The following MAPKAP1 variants were observed in gnomAD, a reference collection of about 807,000 sequenced individuals.
The protein encoded by MAPKAP1 is MAPK associated protein 1.
In MAPKAP1, 20 loss-of-function variants were observed where a neutral mutation model predicts 65.7. That is an observed-to-expected ratio of 0.30 (90% CI 0.21 to 0.44). MAPKAP1 has a LOEUF of 0.44. Ranked by LOEUF, MAPKAP1 falls within the 20% of genes least tolerant of loss-of-function variation. The pLI is 1.00. For synonymous variants in MAPKAP1, 222 were observed against 244.3 expected, an observed-to-expected ratio of 0.91 and a Z score of 0.85; for missense variants, 423 against 648.0, an observed-to-expected ratio of 0.65 and a Z score of 3.77.
chr9:125,613,301 C>T (rs1173020480), intron 4 of MAPKAP1, among the ~76,000 whole-genome samples: 1 of 152,170 alleles, frequency 6.6e-6, no homozygotes, highest in Non-Finnish European at 1.5e-5. Flanking sequence ...AGGAATAAAG[C>T]GCATATTTCC....
chr9:125,604,072 T>A (rs982745933), intron 4 of MAPKAP1, among the ~76,000 whole-genome samples: 36 of 152,236 alleles, frequency 2.4e-4, no homozygotes, highest in African/African-American at 8.7e-4. Flanking sequence ...AAGGCTCTGA[T>A]AGATGCAAAA....
intron 9 of MAPKAP1, among the ~76,000 whole-genome samples, chr9:125,474,045 T>A (rs1854019092): frequency 6.6e-6 from 1 of 152,208 alleles, no homozygotes; most frequent in African/African-American, 2.4e-5. Flanking sequence ...CTAATGATTA[T>A]TATCAGAAGT....
chr9:125,685,118 G>C (rs1393882847), intron 1 of MAPKAP1, among the ~76,000 whole-genome samples: 1 of 152,250 alleles, frequency 6.6e-6, no homozygotes, highest in African/African-American at 2.4e-5. Context: ...CTATGTGCCA[G>C]GCACTGTTCT....
Position 125,707,175 on chromosome 9 carries a change from A to C in MAPKAP1, c.-274T>G, listed in dbSNP as rs1835793076. ...GCTGCTCGCCGCCGCCGGCCGGCCGAGCAGCAGCCCTATTACCCCGAGCCG... is the reference window on the plus strand; with the variant it reads ...GCTGCTCGCCGCCGCCGGCCGGCCGCGCAGCAGCCCTATTACCCCGAGCCG... On this transcript the variant is annotated 5_prime_UTR_variant, in exon 1 of 12. Coordinates refer to ENST00000265960, the MANE Select transcript of MAPKAP1 (RefSeq NM_001006617.3). 2.5e-6 allele frequency: 1 copy of C among 397,460 alleles called. No individual in the cohort carries two copies. Among genetic ancestry groups the C allele is most frequent in the Non-Finnish European group, 4.4e-6 (1 of 225,480 alleles). The allele number at this position is 397,460 out of a possible 1,614,324, so 24.6% of individuals were successfully genotyped here.
chr9:125,566,990 A>C (rs868822804), intron 5 of MAPKAP1, among the ~76,000 whole-genome samples: 2 of 152,092 alleles, frequency 1.3e-5, no homozygotes, highest in African/African-American at 2.4e-5. Context: ...GCCCCAACAA[A>C]ACCTGCTGTT....
At chr9:125,472,979 C>T (rs1369278890) in intron 9 of MAPKAP1, among the ~76,000 whole-genome samples, 1 of 151,988 alleles carries the variant, frequency 6.6e-6, no homozygotes. Flanking sequence ...CCTTTCTCGA[C>T]TGTTAAAATG....
At chr9:125,651,811 G>A (rs926853368) in intron 4 of MAPKAP1, among the ~76,000 whole-genome samples, 2 of 152,106 alleles carry the variant, frequency 1.3e-5, no homozygotes, top group South Asian at 2.1e-4. Context: ...GGTTACCCCC[G>A]CACCCCCACC....
chr9:125,528,479 G>A (rs1829836676), intron 7 of MAPKAP1, among the ~76,000 whole-genome samples: 1 of 152,222 alleles, frequency 6.6e-6, no homozygotes, highest in African/African-American at 2.4e-5. Flanking sequence ...TTATGCCTGA[G>A]CCTGGGAGCC....
chr9:125,524,981 C>T lies in MAPKAP1; in HGVS notation c.958+18078G>A, dbSNP rs148150742. Among the ~76,000 whole-genome samples the T allele has an allele frequency of 1.7e-3, 260 of 152,332 alleles. 1 individual carries two copies. The highest frequency in any genetic ancestry group is 5.9e-3 in the African/African-American group (247 of 41,570). The stretch of plus-strand genomic sequence containing the variant: ...GCTCTGCTGCTCTGACAAGGGGCCT[C>T]GGACCCCTGGAAAAGCCCAAATGAG... On this transcript the variant is annotated intron_variant, in intron 7 of 11. Transcript: ENST00000265960.
chr9:125,463,043 G>C (rs1853555429), intron 10 of MAPKAP1, among the ~76,000 whole-genome samples: 2 of 152,238 alleles, frequency 1.3e-5, no homozygotes, highest in Non-Finnish European at 2.9e-5. Flanking sequence ...CTCGGTAGAA[G>C]TCTTGCAAAA....
At chr9:125,668,682 G>C (rs1313973306) in intron 3 of MAPKAP1, among the ~76,000 whole-genome samples, 1 of 152,146 alleles carries the variant, frequency 6.6e-6, no homozygotes, top group Admixed American at 6.5e-5. Flanking sequence ...CTGAAGCTTT[G>C]AAAGTATATA....
chr9:125,623,816 GC>G (rs1832993959), intron 4 of MAPKAP1, among the ~76,000 whole-genome samples: 1 of 49,048 alleles, frequency 2.0e-5, no homozygotes, highest in African/African-American at 5.0e-5. Context: ...GGGGGGGTCA[GC>G]CCCCCGCCCG....
chr9:125,610,120 T>A (rs575045819), intron 4 of MAPKAP1, among the ~76,000 whole-genome samples: 5 of 152,388 alleles, frequency 3.3e-5, no homozygotes, highest in African/African-American at 1.2e-4. Context: ...TGAAAAAACA[T>A]CTTCTTACAT....
intron 11 of MAPKAP1, among the ~76,000 whole-genome samples, chr9:125,440,392 C>G (rs1361238101): frequency 6.6e-6 from 1 of 152,234 alleles, no homozygotes; most frequent in Non-Finnish European, 1.5e-5. Context: ...CTCCTCTGCT[C>G]CTCTGGCTGG....
chr9:125,517,547 T>A (rs892564802), intron 7 of MAPKAP1, among the ~76,000 whole-genome samples: 1 of 152,212 alleles, frequency 6.6e-6, no homozygotes, highest in African/African-American at 2.4e-5. Context: ...AATATGTTAC[T>A]GCTATTACCA....
At chr9:125,474,901 G>A (rs1412797212) in intron 9 of MAPKAP1, among the ~76,000 whole-genome samples, 1 of 152,156 alleles carries the variant, frequency 6.6e-6, no homozygotes, top group Non-Finnish European at 1.5e-5. Context: ...AGGTTACCGA[G>A]AGCCTATGAA....
At chr9:125,618,533 C>A (rs1473997739) in intron 4 of MAPKAP1, among the ~76,000 whole-genome samples, 1 of 151,676 alleles carries the variant, frequency 6.6e-6, no homozygotes, top group Non-Finnish European at 1.5e-5. Context: ...TAGTAAAATG[C>A]AAGATTATTA....
chr9:125,539,881 CTT>C (rs1830190060), intron 7 of MAPKAP1, among the ~76,000 whole-genome samples: 1 of 152,000 alleles, frequency 6.6e-6, no homozygotes, highest in African/African-American at 2.4e-5. Flanking sequence ...TGAAGAGAAA[CTT>C]TAAAAGAGAC....
intron 7 of MAPKAP1, among the ~76,000 whole-genome samples, chr9:125,527,057 GTGTTTTTTTTGTT>G (rs1289237212): frequency 4.0e-4 from 45 of 111,574 alleles, no homozygotes; most frequent in Admixed American, 1.4e-3. Context: ...CATACATGTA[GTGTTTTTTTTGTT>G]TGTTTTTTTT....
Sources: allele counts gnomAD v4.1 joint callset (sites outside exome capture counted in the v4.1 genomes callset), GRCh38; gene constraint gnomAD v4.1.1; transcripts MANE v1.5; gene names NCBI Gene and HGNC (gene_info 2026-07-23, HGNC 2026-07-21).